Variants in RALGAPA1 observed in about 807,000 individuals in gnomAD.
RALGAPA1 encodes the protein Ral GTPase activating protein catalytic subunit alpha 1, also known as ral GTPase-activating protein subunit alpha-1.
RALGAPA1 carries 52 observed loss-of-function variants against 269.6 expected under a neutral mutation model. The ratio of observed to expected loss-of-function variants is 0.19; its 90% confidence interval spans 0.15 to 0.24. The LOEUF is 0.24. RALGAPA1 is among the 10% of genes least tolerant of loss of function. RALGAPA1 has a pLI of 1.00. For missense variants in RALGAPA1, 1,917 were observed against 3,013.9 expected (o/e 0.64, Z 8.52); for synonymous variants, 817 against 1,008.3 (o/e 0.81, Z 3.60).
At chr14:35,569,685 A>G (rs1006000466) in intron 39 of RALGAPA1, among the ~76,000 whole-genome samples, 4 of 152,082 alleles carry the variant, frequency 2.6e-5, no homozygotes, top group Non-Finnish European at 4.4e-5. Flanking sequence ...TGGCTCTTCC[A>G]CCTGATTAAC....
chr14:35,550,200 T>C (rs951251065), intron 39 of RALGAPA1, among the ~76,000 whole-genome samples: 2 of 152,206 alleles, frequency 1.3e-5, no homozygotes, highest in African/African-American at 4.8e-5. Context: ...GGCAGCAACA[T>C]ACAATTATCA....
intron 20 of RALGAPA1, among the ~76,000 whole-genome samples, chr14:35,684,495 T>C (rs569876761): frequency 1.3e-5 from 2 of 152,332 alleles, no homozygotes; most frequent in East Asian, 3.9e-4. Context: ...AACAGGTCTA[T>C]CCTAAATTAT....
At chr14:35,716,230 T>A in intron 16 of RALGAPA1, 2 of 237,414 alleles carry the variant, frequency 8.4e-6, no homozygotes, top group Non-Finnish European at 1.4e-5. Flanking sequence ...CCCTTCTCAC[T>A]AAAAATACAA....
chr14:35,644,577 A>T (rs1246370660), intron 31 of RALGAPA1, among the ~76,000 whole-genome samples: 3 of 152,236 alleles, frequency 2.0e-5, no homozygotes, highest in Non-Finnish European at 4.4e-5. Context: ...CTTAACTATA[A>T]AGAGGCATAA....
chr14:35,751,956 C>G (rs1341970874), intron 8 of RALGAPA1, 68 bp downstream of exon 8: 1 of 1,524,900 alleles, frequency 6.6e-7, no homozygotes, highest in Non-Finnish European at 8.8e-7. Flanking sequence ...TAACAAATGC[C>G]AACTTTACAG....
At chr14:35,785,233 G>A (rs937021715) in intron 1 of RALGAPA1, among the ~76,000 whole-genome samples, 1 of 152,098 alleles carries the variant, frequency 6.6e-6, no homozygotes, top group African/African-American at 2.4e-5. Context: ...TAAACATTAA[G>A]TTTTTGCACA....
rs139090650 is a variant in RALGAPA1 at position 35,550,166 on chromosome 14, T to C, written c.7497-932A>G. 5.3e-5 allele frequency among the ~76,000 whole-genome samples: 8 copies of C among 152,318 alleles called. No individual in the cohort carries two copies. The East Asian group carries it at 1.5e-3, about 29-fold the overall frequency. On this transcript the variant is annotated intron_variant, in intron 39 of 41. Coordinates refer to ENST00000680220, the MANE Select transcript of RALGAPA1 (RefSeq NM_001346249.2). ...TTGTTCACGAAAGCAACTATGGAAA[T>C]GGCTGTCAAAATGTAGAGCAGCAGG...
intron 16 of RALGAPA1, among the ~76,000 whole-genome samples, chr14:35,701,924 C>G (rs1025151733): frequency 6.6e-6 from 1 of 152,170 alleles, no homozygotes; most frequent in Non-Finnish European, 1.5e-5. Context: ...ACTGAGATTA[C>G]ATGAATAAGT....
In RALGAPA1 at chr14:35,651,807, T is replaced by G. The variant is rs202104117; in HGVS notation, c.5674A>C (p.Arg1892=). The G allele has an allele frequency of 1.6e-4, 255 of 1,598,366 alleles. No homozygotes were observed. The highest frequency in any genetic ancestry group is 2.1e-4 in the Non-Finnish European group (246 of 1,174,952). ...TEASSYEMDK[R]LVVSLLLCLL... Reference sequence around the variant, plus strand: ...TCATCAAACAAAATTTAAATTACCCTCTTGTCCATTTCATAAGATGAAGCC... The same window carrying G: ...TCATCAAACAAAATTTAAATTACCCGCTTGTCCATTTCATAAGATGAAGCC... The change falls in exon 31 of 42, where the codon AGG becomes CGG. Residue 1892 remains arginine (R), a splice_region_variant and synonymous_variant. Coordinates refer to ENST00000680220, the MANE Select transcript of RALGAPA1 (RefSeq NM_001346249.2).
chr14:35,649,731 C>T (rs2062687169), intron 31 of RALGAPA1, among the ~76,000 whole-genome samples: 1 of 152,096 alleles, frequency 6.6e-6, no homozygotes, highest in South Asian at 2.1e-4. Context: ...CTCTATTCTA[C>T]CTTGTATCTC....
chr14:35,724,889 A>T, intron 14 of RALGAPA1, 135 bp downstream of exon 14: 1 of 624,438 alleles, frequency 1.6e-6, no homozygotes, highest in Non-Finnish European at 2.5e-6. Flanking sequence ...AATAAGAAAT[A>T]ATCTCTAATT....
At chr14:35,684,780 A>G (rs2065770998) in intron 20 of RALGAPA1, 149 bp downstream of exon 20, 1 of 773,620 alleles carries the variant, frequency 1.3e-6, no homozygotes. Context: ...ACATAGCAAG[A>G]CCAAATATCT....
chr14:35,725,246 T>A, intron 13 of RALGAPA1, 93 bp from the exon 14 acceptor site: 1 of 845,840 alleles, frequency 1.2e-6, no homozygotes, highest in Non-Finnish European at 1.7e-6. Context: ...TTATAAAAAT[T>A]CAAATATTAA....
Position 35,691,122 on chromosome 14 carries a change from G to T in RALGAPA1, c.2408-1119C>A, listed in dbSNP as rs541303104. Among the ~76,000 whole-genome samples, 8 of 150,876 alleles carry T rather than the reference G, an allele frequency of 5.3e-5. No homozygotes were observed. The East Asian group carries it at 1.6e-3, about 29-fold the overall frequency. On this transcript the variant is annotated intron_variant, in intron 17 of 41. Transcript: ENST00000680220. ...TTATTATTATAGATGGACATTCAGA[G>T]ATTATCTAATTTAACTATCTCACAG...
chr14:35,663,244 G>A (rs2140145003), intron 27 of RALGAPA1, among the ~76,000 whole-genome samples: 1 of 152,100 alleles, frequency 6.6e-6, no homozygotes, highest in South Asian at 2.1e-4. Flanking sequence ...GTTAGGGTAC[G>A]ATGATATAGC....
At chr14:35,635,292 C>T (rs970462993) in intron 32 of RALGAPA1, among the ~76,000 whole-genome samples, 172 bp downstream of exon 32, 6 of 152,050 alleles carry the variant, frequency 3.9e-5, no homozygotes, top group African/African-American at 7.2e-5. Context: ...AATGAAACAA[C>T]GGTGTCTTGT....
chr14:35,630,935 T>C (rs1166448751), intron 33 of RALGAPA1, among the ~76,000 whole-genome samples: 1 of 152,140 alleles, frequency 6.6e-6, no homozygotes, highest in Admixed American at 6.6e-5. Context: ...TTAAAAGTTA[T>C]TTTTATGATT....
intron 1 of RALGAPA1, among the ~76,000 whole-genome samples, chr14:35,784,893 G>A (rs1021162045): frequency 1.3e-5 from 2 of 152,128 alleles, no homozygotes; most frequent in Admixed American, 6.6e-5. Flanking sequence ...TCAAAATACA[G>A]TACTACTGGT....
At chr14:35,722,450 A>G (rs992757911) in intron 15 of RALGAPA1, among the ~76,000 whole-genome samples, 1 of 151,790 alleles carries the variant, frequency 6.6e-6, no homozygotes, top group African/African-American at 2.4e-5. Context: ...TGTCTCTATA[A>G]GAAATACAAA....
Sources: gnomAD v4.1 joint callset for allele counts (sites outside exome capture counted in the v4.1 genomes callset) on GRCh38, gnomAD v4.1.1 for gene constraint, MANE v1.5 for transcripts, NCBI Gene and HGNC (gene_info 2026-07-23, HGNC 2026-07-21) for gene names.